The following TMCC1 variants were observed in gnomAD, a reference collection of about 807,000 sequenced individuals.
The protein encoded by TMCC1 is transmembrane and coiled-coil domains protein 1.
In TMCC1, 15 loss-of-function variants were observed where a neutral mutation model predicts 52.4. That is an observed-to-expected ratio of 0.29 (90% CI 0.19 to 0.44). The LOEUF is 0.44. TMCC1 is among the 20% of genes least tolerant of loss of function. TMCC1 has a pLI of 1.00. For missense variants in TMCC1, 503 were observed against 806.0 expected (o/e 0.62, Z 4.55); for synonymous variants, 279 against 301.9 (o/e 0.92, Z 0.79).
intron 4 of TMCC1, among the ~76,000 whole-genome samples, chr3:129,827,131 A>G (rs1321835203): frequency 6.6e-6 from 1 of 152,318 alleles, no homozygotes; most frequent in East Asian, 1.9e-4. Flanking sequence ...CATTGTCACT[A>G]CCTGCATGGC....
At chr3:129,757,778 CCAGATTGTG>C (rs1244323389) in intron 4 of TMCC1, among the ~76,000 whole-genome samples, 2 of 151,914 alleles carry the variant, frequency 1.3e-5, no homozygotes, top group Non-Finnish European at 2.9e-5. Flanking sequence ...TGCAGTAAAC[CCAGATTGTG>C]CCACTGCAGT....
chr3:129,674,219 A>T (rs2088205887), intron 4 of TMCC1, among the ~76,000 whole-genome samples: 5 of 152,222 alleles, frequency 3.3e-5, no homozygotes. Context: ...TTATTTCCTT[A>T]TGTAGTAACT....
chr3:129,758,292 T>C (rs1381671863), intron 4 of TMCC1, among the ~76,000 whole-genome samples: 1 of 152,228 alleles, frequency 6.6e-6, no homozygotes, highest in Non-Finnish European at 1.5e-5. Context: ...TTTGTGGTAC[T>C]AGATTACAGT....
chr3:129,816,668 C>T (rs930583782), intron 4 of TMCC1, among the ~76,000 whole-genome samples: 90 of 151,992 alleles, frequency 5.9e-4, no homozygotes, highest in African/African-American at 2.1e-3. Context: ...GAAATAAGAC[C>T]TAATGTTTGA....
intron 4 of TMCC1, among the ~76,000 whole-genome samples, chr3:129,714,078 G>C (rs1289350431): frequency 2.0e-5 from 3 of 152,194 alleles, no homozygotes; most frequent in African/African-American, 7.2e-5. Flanking sequence ...GACAATATGG[G>C]ATACAGTTCT....
Position 129,850,100 on chromosome 3 carries a change from A to G in TMCC1, c.-183-17274T>C, listed in dbSNP as rs533325841. ...AGGAGTCTAATTCCTGATAGAAAAA[A>G]AAATGTGGAAGGATACTACCACCTC... On this transcript the variant is annotated intron_variant, in intron 2 of 6. Transcript: ENST00000393238. 9.9e-5 allele frequency among the ~76,000 whole-genome samples: 15 copies of G among 152,272 alleles called. No individual in the cohort carries two copies. The South Asian group carries it at 3.1e-3, about 32-fold the overall frequency.
chr3:129,849,760 C>T (rs147417626), intron 2 of TMCC1, among the ~76,000 whole-genome samples: 2 of 150,842 alleles, frequency 1.3e-5, no homozygotes, highest in African/African-American at 4.9e-5. Flanking sequence ...AGCGAGACTC[C>T]ATCTCAAAAA....
At chr3:129,693,859 G>A (rs889715652) in intron 4 of TMCC1, among the ~76,000 whole-genome samples, 4 of 152,066 alleles carry the variant, frequency 2.6e-5, no homozygotes, top group Admixed American at 6.5e-5. Flanking sequence ...TATTTGCATA[G>A]GATCAATACC....
chr3:129,669,917 C>G (rs1296311797), intron 5 of TMCC1, among the ~76,000 whole-genome samples: 1 of 152,160 alleles, frequency 6.6e-6, no homozygotes, highest in African/African-American at 2.4e-5. Flanking sequence ...GCAGTCTAAT[C>G]TTTCTATACC....
Position 129,736,514 on chromosome 3 carries a change from A to C in TMCC1, c.577-65250T>G, listed in dbSNP as rs1458748691. 8.1e-5 allele frequency among the ~76,000 whole-genome samples: 12 copies of C among 148,686 alleles called. No homozygotes were observed. In the East Asian group the frequency reaches 1.6e-3, roughly 19 times the overall value. ...GGCTGGACTAGTAATGACAATTATT[A>C]TTTTCTTTTCTTTTTTTTTTTTTTT... On this transcript the variant is annotated intron_variant, in intron 4 of 6. Coordinates refer to ENST00000393238, the MANE Select transcript of TMCC1 (RefSeq NM_001017395.5).
intron 4 of TMCC1, among the ~76,000 whole-genome samples, chr3:129,825,490 T>C (rs1040934937): frequency 5.9e-5 from 9 of 151,886 alleles, no homozygotes; most frequent in Non-Finnish European, 1.2e-4. Context: ...ACTTCCAAAC[T>C]TTCCCTTTAG....
intron 4 of TMCC1, among the ~76,000 whole-genome samples, chr3:129,760,582 A>T (rs2053480332): frequency 6.6e-6 from 1 of 151,580 alleles, no homozygotes; most frequent in African/African-American, 2.4e-5. Flanking sequence ...GGTTCACGCC[A>T]TTCTCCTGCC....
At chr3:129,727,197 A>G (rs930269997) in intron 4 of TMCC1, among the ~76,000 whole-genome samples, 5 of 152,156 alleles carry the variant, frequency 3.3e-5, no homozygotes, top group Non-Finnish European at 7.4e-5. Flanking sequence ...AGAGATGTTC[A>G]TGGTTTGGTA....
chr3:129,672,092 T>A (rs985849862), intron 4 of TMCC1, among the ~76,000 whole-genome samples: 2 of 152,232 alleles, frequency 1.3e-5, no homozygotes, highest in Admixed American at 6.5e-5. Flanking sequence ...GTATACTTAA[T>A]CCTTTCATGT....
At chr3:129,763,643 T>C (rs971734236) in intron 4 of TMCC1, among the ~76,000 whole-genome samples, 6 of 150,630 alleles carry the variant, frequency 4.0e-5, no homozygotes, top group African/African-American at 1.5e-4. Flanking sequence ...AAAAGCCAGA[T>C]ACTGTGGTAG....
intron 4 of TMCC1, among the ~76,000 whole-genome samples, chr3:129,677,762 T>C (rs1432098790): frequency 1.3e-5 from 2 of 152,194 alleles, no homozygotes; most frequent in Non-Finnish European, 2.9e-5. Flanking sequence ...TCGAATGATA[T>C]ACCCCTAATC....
intron 2 of TMCC1, among the ~76,000 whole-genome samples, chr3:129,839,804 G>A (rs1420556043): frequency 6.6e-6 from 1 of 152,112 alleles, no homozygotes; most frequent in African/African-American, 2.4e-5. Context: ...AGAATCACTT[G>A]AGCCCAGGAG....
At chr3:129,709,180 T>C (rs576009647) in intron 4 of TMCC1, among the ~76,000 whole-genome samples, 65 of 152,242 alleles carry the variant, frequency 4.3e-4, no homozygotes, top group African/African-American at 1.5e-3. Context: ...AAACTTTAGA[T>C]TGTCCGGTGT....
At chr3:129,736,988 C>G (rs2051025972) in intron 4 of TMCC1, among the ~76,000 whole-genome samples, 1 of 152,176 alleles carries the variant, frequency 6.6e-6, no homozygotes, top group Non-Finnish European at 1.5e-5. Flanking sequence ...CACACATATG[C>G]AAACCTAAAC....
Sources: gnomAD v4.1 joint callset for allele counts (sites outside exome capture counted in the v4.1 genomes callset) on GRCh38, gnomAD v4.1.1 for gene constraint, MANE v1.5 for transcripts, NCBI Gene and HGNC (gene_info 2026-07-23, HGNC 2026-07-21) for gene names.